PDE8A: variants seen among roughly 807,000 people sequenced by gnomAD.
The protein encoded by PDE8A is phosphodiesterase 8A.
In PDE8A, 59 loss-of-function variants were observed where a neutral mutation model predicts 105.0. That is an observed-to-expected ratio of 0.56 (90% CI 0.46 to 0.70). The LOEUF (loss-of-function observed/expected upper bound fraction) is 0.70, where lower values mean the gene tolerates loss of function less well. PDE8A is among the 30% of genes least tolerant of loss of function. The pLI, the probability that PDE8A is intolerant of heterozygous loss-of-function variation, is 0.00. For missense variants in PDE8A, 1,014 were observed against 1,045.9 expected, an observed-to-expected ratio of 0.97 and a Z score of 0.42; for synonymous variants, 355 against 371.9, an observed-to-expected ratio of 0.95 and a Z score of 0.52.
rs1567296506 is a variant in PDE8A, at chr15:85,116,025, C to CT, written c.1443dup (p.Asp482Ter). 6.2e-7 allele frequency: 1 copy of CT among 1,613,448 alleles called. No individual in the cohort carries two copies. The highest frequency in any genetic ancestry group is 2.2e-5 in the East Asian group (1 of 44,888). ...AAGCAATATAATCACTCCCATCTCC[C>CT]TTGATGATGTCCCACCACGGATAGC... On this transcript the variant is annotated frameshift_variant, in exon 16 of 22. Transcript: ENST00000394553. LOFTEE classifies it high-confidence loss of function.
At chr15:85,059,456 G>T (rs56080398) in intron 1 of PDE8A, among the ~76,000 whole-genome samples, 13,474 of 152,146 alleles carry the variant, frequency 0.089, 1,656 homozygotes, top group African/African-American at 0.28. Flanking sequence ...TTTTAGAACT[G>T]TCTCTTCCTT....
intron 1 of PDE8A, among the ~76,000 whole-genome samples, chr15:85,036,668 A>G (rs898986280): frequency 2.2e-4 from 33 of 152,168 alleles, no homozygotes; most frequent in Non-Finnish European, 1.5e-4. Flanking sequence ...TGTGGGATCT[A>G]TACTTTGGTA....
intron 1 of PDE8A, among the ~76,000 whole-genome samples, chr15:85,003,389 A>C (rs1384295117): frequency 6.6e-6 from 1 of 152,166 alleles, no homozygotes; most frequent in African/African-American, 2.4e-5. Flanking sequence ...GGAAAAACCA[A>C]GATGGGCCTG....
chr15:85,064,979 C>G (rs2081199353), intron 2 of PDE8A, among the ~76,000 whole-genome samples: 1 of 148,292 alleles, frequency 6.7e-6, no homozygotes, highest in African/African-American at 2.5e-5. Context: ...CTCAAACAAA[C>G]AAAAGAAAAA....
At chr15:85,014,111 T>G (rs543570196) in intron 1 of PDE8A, among the ~76,000 whole-genome samples, 1 of 151,998 alleles carries the variant, frequency 6.6e-6, no homozygotes, top group African/African-American at 2.4e-5. Flanking sequence ...GATAATCACA[T>G]CTTTCTTTCT....
intron 8 of PDE8A, among the ~76,000 whole-genome samples, chr15:85,095,246 T>G (rs2081724530): frequency 1.3e-5 from 2 of 152,188 alleles, no homozygotes. Context: ...TTTACTGTTA[T>G]GTCAGGACTT....
rs1567226404 is a variant in PDE8A, at chr15:85,009,092, AG to A, written c.186+26745del. Among the ~76,000 whole-genome samples the A allele has an allele frequency of 2.2e-4, 31 of 143,056 alleles. No homozygotes were observed. The East Asian group carries it at 2.2e-3, about 10-fold the overall frequency. The allele number at this position is 143,056 out of a possible 152,430, so 93.9% of individuals were successfully genotyped here. A position where few individuals can be genotyped will look rare whatever the true frequency, so the allele number is the denominator to read the frequency against. On this transcript the variant is annotated intron_variant, in intron 1 of 21. Transcript: ENST00000394553. ...TCACTTCCTGGTGTGTTAGTGTGTG[AG>A]AGAGAGAGAGAGAGAGAGTGTGTGT...
chr15:84,990,076 G>T (rs2079862390), intron 1 of PDE8A, among the ~76,000 whole-genome samples: 1 of 152,022 alleles, frequency 6.6e-6, no homozygotes, highest in South Asian at 2.1e-4. Flanking sequence ...TGAACTTTGG[G>T]CATGGTAACA....
chr15:85,047,720 A>G (rs1034941635), intron 1 of PDE8A, among the ~76,000 whole-genome samples: 1 of 152,198 alleles, frequency 6.6e-6, no homozygotes, highest in Admixed American at 6.5e-5. Flanking sequence ...TTGTCTGTAC[A>G]AATCAAGTTA....
intron 15 of PDE8A, 117 bp downstream of exon 15, chr15:85,115,604 A>G (rs937982127): frequency 6.7e-6 from 4 of 596,240 alleles, no homozygotes; most frequent in Non-Finnish European, 1.1e-5. Context: ...ATAAAGCCTC[A>G]GAAACAAAGC....
chr15:85,076,116 T>C (rs1326781048), intron 4 of PDE8A, among the ~76,000 whole-genome samples, 198 bp downstream of exon 4: 9 of 152,226 alleles, frequency 5.9e-5, no homozygotes, highest in Admixed American at 5.2e-4. Context: ...TAGATTTTTG[T>C]GATTTTTAAA....
chr15:85,047,700 A>G (rs1024588830), intron 1 of PDE8A, among the ~76,000 whole-genome samples: 2 of 152,194 alleles, frequency 1.3e-5, no homozygotes, highest in Non-Finnish European at 1.5e-5. Context: ...TCATAAATTT[A>G]TGCTGTCCTT....
chr15:85,065,600 A>G (rs1359912329), intron 2 of PDE8A, among the ~76,000 whole-genome samples: 2 of 152,216 alleles, frequency 1.3e-5, no homozygotes, highest in African/African-American at 4.8e-5. Context: ...TGCTGACAGA[A>G]ATGTGTGCTC....
At chr15:85,030,267 T>C (rs12912860) in intron 1 of PDE8A, among the ~76,000 whole-genome samples, 31,517 of 151,690 alleles carry the variant, frequency 0.21, 4,332 homozygotes, top group Middle Eastern at 0.34. Flanking sequence ...TTGTGGAATA[T>C]CTTCAGTTCC....
chr15:85,031,789 A>C (rs966148452), intron 1 of PDE8A, among the ~76,000 whole-genome samples: 1 of 152,198 alleles, frequency 6.6e-6, no homozygotes, highest in Non-Finnish European at 1.5e-5. Context: ...CGGCCTGATT[A>C]CTATTCATAA....
chr15:85,046,432 G>A (rs2080889520), intron 1 of PDE8A, among the ~76,000 whole-genome samples: 1 of 152,138 alleles, frequency 6.6e-6, no homozygotes, highest in African/African-American at 2.4e-5. Context: ...ATATATTTAT[G>A]TAATAAGCTG....
At chr15:85,064,279 CT>C (rs1393789469) in intron 1 of PDE8A, 90 bp from the exon 2 acceptor site, 5 of 844,176 alleles carry the variant, frequency 5.9e-6, no homozygotes, top group Non-Finnish European at 9.5e-6. Context: ...AGAAATTTTG[CT>C]TTCATTTTTG....
intron 1 of PDE8A, among the ~76,000 whole-genome samples, chr15:85,044,489 C>A (rs1274185101): frequency 1.3e-5 from 2 of 152,158 alleles, no homozygotes; most frequent in Non-Finnish European, 2.9e-5. Flanking sequence ...AAGGACCAAG[C>A]AGATGCACAT....
At chr15:84,986,820 C>G (rs891743804) in intron 1 of PDE8A, among the ~76,000 whole-genome samples, 1 of 151,892 alleles carries the variant, frequency 6.6e-6, no homozygotes, top group African/African-American at 2.4e-5. Context: ...TGCTGTGCTG[C>G]CCAGGCTAGG....
Sources: gnomAD v4.1 joint callset for allele counts (sites outside exome capture counted in the v4.1 genomes callset) on GRCh38, gnomAD v4.1.1 for gene constraint, MANE v1.5 for transcripts, NCBI Gene and HGNC (gene_info 2026-07-23, HGNC 2026-07-21) for gene names.